The following PTPN13 variants were observed in gnomAD, a reference collection of about 807,000 sequenced individuals.
PTPN13 encodes the protein protein tyrosine phosphatase non-receptor type 13, also known as tyrosine-protein phosphatase non-receptor type 13.
Under a neutral mutation model 284.0 loss-of-function variants are expected in PTPN13, and 191 were observed. That is an observed-to-expected ratio of 0.67 (90% CI 0.60 to 0.76). The LOEUF is 0.76. Ranked by LOEUF, PTPN13 falls within the 30% of genes least tolerant of loss-of-function variation. PTPN13 has a pLI of 0.00. For synonymous variants in PTPN13, 986 were observed against 1,022.3 expected (o/e 0.96, Z 0.68); for missense variants, 2,797 against 2,939.9 (o/e 0.95, Z 1.12).
chr4:86,769,043 A>G (rs1463944041), intron 28 of PTPN13, among the ~76,000 whole-genome samples: 2 of 151,870 alleles, frequency 1.3e-5, no homozygotes, highest in African/African-American at 4.8e-5. Flanking sequence ...TTTTTTTTTT[A>G]AACACCCAAG....
Position 86,814,880 on chromosome 4 carries a change from C to A in PTPN13, c.*329C>A. On this transcript the variant is annotated 3_prime_UTR_variant, in exon 48 of 48. Transcript: ENST00000411767. ...TTTAATGCACCAATCTTGTTTATAG[C>A]AAAAATGTTTTCCAATATTTTAATA... 1 of 188,646 alleles carries A rather than the reference C, an allele frequency of 5.3e-6. No homozygotes were observed. Among genetic ancestry groups the A allele is most frequent in the Non-Finnish European group, 1.1e-5 (1 of 92,056 alleles). The allele number at this position is 188,646 out of a possible 1,614,324, so 11.7% of individuals were successfully genotyped here.
chr4:86,618,403 G>A (rs1416671778), intron 1 of PTPN13, among the ~76,000 whole-genome samples: 2 of 151,990 alleles, frequency 1.3e-5, no homozygotes, highest in Non-Finnish European at 2.9e-5. Context: ...TTGACTTGGC[G>A]ATGTGGGCTC....
chr4:86,750,965 ATTATTTT>A (rs1166824095), intron 18 of PTPN13, 55 bp from the exon 19 acceptor site: 11 of 1,560,474 alleles, frequency 7.0e-6, no homozygotes, highest in Non-Finnish European at 9.6e-6. Flanking sequence ...ATGACATTTT[ATTATTTT>A]CACCATATTT....
chr4:86,808,349 G>A (rs1744868100), intron 45 of PTPN13, among the ~76,000 whole-genome samples: 1 of 152,150 alleles, frequency 6.6e-6, no homozygotes, highest in Non-Finnish European at 1.5e-5. Context: ...TTGTTATTCA[G>A]ATCATTCATA....
At chr4:86,807,926 A>T in intron 45 of PTPN13, 29 bp downstream of exon 45, 1 of 1,566,544 alleles carries the variant, frequency 6.4e-7, no homozygotes, top group East Asian at 2.2e-5. Flanking sequence ...TCCCTGTTGG[A>T]AGGTGTATCT....
rs1565549073 is a variant in PTPN13 at position 86,775,532 on chromosome 4, A to T, written c.5771A>T (p.Asn1924Ile). ...NPRSVAAIEG[N>I]LQLLDVIHYV... is the part of the protein sequence containing the mutation. ...AGGTCCGTCGCAGCCATTGAGGGTA[A>T]TCTCCAGCTATTAGATGTCATCCAT... is the stretch of plus-strand genomic sequence containing the variant. The change falls in exon 35 of 48, where the codon AAT becomes ATT. Residue 1924 changes from asparagine (N) to isoleucine (I), a missense_variant. Physicochemically the swap from Asn to Ile is moderately radical, Grantham distance 149. Coordinates refer to ENST00000411767, the MANE Select transcript of PTPN13 (RefSeq NM_080683.3). The T allele has an allele frequency of 6.2e-7, 1 of 1,613,300 alleles. No individual in the cohort carries two copies. Among genetic ancestry groups the T allele is most frequent in the Admixed American group, 1.7e-5 (1 of 59,978 alleles).
chr4:86,738,736 A>G (rs1328105009), intron 15 of PTPN13, among the ~76,000 whole-genome samples: 3 of 152,072 alleles, frequency 2.0e-5, no homozygotes, highest in Admixed American at 6.6e-5. Flanking sequence ...GCTGGAATTC[A>G]GTGGTGCGAT....
chr4:86,734,636 A>C, intron 13 of PTPN13, 101 bp from the exon 14 acceptor site: 1 of 1,359,072 alleles, frequency 7.4e-7, no homozygotes, highest in Non-Finnish European at 9.9e-7. Flanking sequence ...TAATAAGCTT[A>C]GTAATAAACT....
intron 17 of PTPN13, among the ~76,000 whole-genome samples, chr4:86,747,533 TAGCAGCAGC>T (rs72329456): frequency 2.0e-5 from 3 of 151,542 alleles, no homozygotes; most frequent in Admixed American, 6.6e-5. Context: ...GCGGTAATAG[TAGCAGCAGC>T]AGCAGCGGCA....
chr4:86,719,753 A>G (rs1733440713), intron 9 of PTPN13, among the ~76,000 whole-genome samples: 1 of 152,112 alleles, frequency 6.6e-6, no homozygotes, highest in Non-Finnish European at 1.5e-5. Context: ...CAATGCTTGT[A>G]GGCTGCATGT....
At chr4:86,676,772 T>C (rs1728319780) in intron 3 of PTPN13, among the ~76,000 whole-genome samples, 1 of 152,166 alleles carries the variant, frequency 6.6e-6, no homozygotes. Context: ...AAAGGACAAA[T>C]ACTATGTGAT....
intron 3 of PTPN13, among the ~76,000 whole-genome samples, chr4:86,686,333 C>T (rs932341773): frequency 3.3e-5 from 5 of 150,380 alleles, no homozygotes; most frequent in Admixed American, 6.6e-5. Flanking sequence ...CCAGCCTGGG[C>T]GACAGAGCCA....
chr4:86,714,018 G>A (rs1732722448), intron 7 of PTPN13, among the ~76,000 whole-genome samples: 1 of 150,100 alleles, frequency 6.7e-6, no homozygotes, highest in South Asian at 2.1e-4. Flanking sequence ...CGTGCACTTC[G>A]TGTCACTCCC....
rs1441082233 is a variant in PTPN13 at position 86,774,435 on chromosome 4, C to A, written c.5412C>A (p.Thr1804=). The A allele has an allele frequency of 6.2e-7, 1 of 1,605,286 alleles. No individual in the cohort carries two copies. The highest frequency in any genetic ancestry group is 1.7e-5 in the Admixed American group (1 of 58,932). ...SEKGSLGFTV[T]KGNQRIGCYV... ...AAGGAAGCCTGGGTTTTACAGTAAC[C>A]AAAGGCAATCAGAGAATTGGTTGTT... The change falls in exon 33 of 48, where the codon ACC becomes ACA. Residue 1804 remains threonine, a synonymous_variant. Transcript: ENST00000411767.
chr4:86,665,407 T>C (rs754840936), intron 2 of PTPN13, among the ~76,000 whole-genome samples: 1 of 152,226 alleles, frequency 6.6e-6, no homozygotes, highest in African/African-American at 2.4e-5. Flanking sequence ...GATACTGTAC[T>C]GATCATGTGC....
In PTPN13 at chr4:86,734,781, A is replaced by G; in HGVS notation, c.2057A>G (p.Asp686Gly). 6.2e-7 allele frequency: 1 copy of G among 1,613,316 alleles called. No individual in the cohort carries two copies. Among genetic ancestry groups the G allele is most frequent in the Non-Finnish European group, 8.5e-7 (1 of 1,179,470 alleles). Residue 686 changes from aspartate (D) to glycine (G), a missense_variant, in exon 14 of 48, where the codon GAT (aspartate) becomes GGT (glycine). Coordinates refer to ENST00000411767, the MANE Select transcript of PTPN13 (RefSeq NM_080683.3). ...CHQYYLQLRKDILEERMHCDD... is the reference protein window; with the variant it reads ...CHQYYLQLRKGILEERMHCDD... ...CAGTATTACCTTCAGCTTCGAAAAG[A>G]TATTTTGGAGGAAAGGATGCACTGT...
Position 86,807,668 on chromosome 4 carries a change from C to T in PTPN13, c.6854C>T (p.Pro2285Leu), listed in dbSNP as rs747110887. 6.2e-6 allele frequency: 10 copies of T among 1,613,978 alleles called. No individual in the cohort carries two copies. Among genetic ancestry groups the T allele is most frequent in the Non-Finnish European group, 8.5e-6 (10 of 1,179,878 alleles). ...EEFVYIACQG[P>L]LPTTVGDFWQ... ...TTCGTTTACATTGCCTGCCAAGGACCACTGCCTACAACTGTTGGAGACTTC... is the reference window on the plus strand; with the variant it reads ...TTCGTTTACATTGCCTGCCAAGGACTACTGCCTACAACTGTTGGAGACTTC... Residue 2285 changes from proline to leucine, a missense_variant, in exon 45 of 48, where the codon CCA becomes CTA. Coordinates refer to ENST00000411767, the MANE Select transcript of PTPN13 (RefSeq NM_080683.3).
intron 23 of PTPN13, among the ~76,000 whole-genome samples, chr4:86,759,342 A>G (rs2149237364): frequency 6.6e-6 from 1 of 152,336 alleles, no homozygotes; most frequent in South Asian, 2.1e-4. Flanking sequence ...AAAACCAGAA[A>G]TTTTAAAACA....
intron 20 of PTPN13, among the ~76,000 whole-genome samples, chr4:86,756,185 T>C (rs1054876938): frequency 6.6e-6 from 1 of 152,012 alleles, no homozygotes; most frequent in African/African-American, 2.4e-5. Context: ...CACTTTGCTT[T>C]AATCTGTTCT....
Sources: allele counts gnomAD v4.1 joint callset (sites outside exome capture counted in the v4.1 genomes callset), GRCh38; gene constraint gnomAD v4.1.1; transcripts MANE v1.5; gene names NCBI Gene and HGNC (gene_info 2026-07-23, HGNC 2026-07-21).